The following SLC5A12 variants were observed in gnomAD, a reference collection of about 807,000 sequenced individuals.
SLC5A12 encodes sodium-coupled monocarboxylate transporter 2.
A neutral mutation model predicts 72.7 loss-of-function variants in SLC5A12; 46 were observed. The observed-to-expected ratio is 0.63, with a 90% CI of 0.50 to 0.81. SLC5A12 has a LOEUF of 0.81. SLC5A12 is among the 30% of genes least tolerant of loss of function. SLC5A12 has a pLI of 0.00. For missense variants in SLC5A12, 683 were observed against 740.7 expected, an observed-to-expected ratio of 0.92 and a Z score of 0.90; for synonymous variants, 275 against 264.4, an observed-to-expected ratio of 1.04 and a Z score of -0.39.
rs1464240574 is a variant in SLC5A12 at position 26,704,034 on chromosome 11, C to T, written c.526-87G>A. On this transcript the variant is annotated intron_variant, in intron 4 of 14. Transcript: ENST00000396005. The stretch of plus-strand genomic sequence containing the variant: ...AAGCCTCTCTGCTAATGCATGCATG[C>T]ATTCTTTTGTTTATTCAGCATCAGC... 27 of 1,404,404 alleles carry T rather than the reference C, an allele frequency of 1.9e-5. No individual in the cohort carries two copies. The East Asian group carries it at 6.2e-4, about 32-fold the overall frequency. 87.0% of individuals were successfully genotyped at this position (1,404,404 alleles called of 1,614,324 possible).
chr11:26,679,808 A>C (rs1376058088), intron 12 of SLC5A12, among the ~76,000 whole-genome samples: 2 of 152,170 alleles, frequency 1.3e-5, no homozygotes, highest in Non-Finnish European at 2.9e-5. Flanking sequence ...GTTTTATTCC[A>C]TAAGCACATG....
Position 26,668,110 on chromosome 11 carries a change from T to C in SLC5A12, c.*2992A>G, listed in dbSNP as rs915920590. The C allele has an allele frequency of 3.3e-5, 5 of 152,034 alleles. No individual in the cohort carries two copies. Among genetic ancestry groups the C allele is most frequent in the African/African-American group, 1.2e-4 (5 of 41,430 alleles). 9.4% of individuals were successfully genotyped at this position (152,034 alleles called of 1,614,324 possible). A position where few individuals can be genotyped will look rare whatever the true frequency, so the allele number is the denominator to read the frequency against. On this transcript the variant is annotated 3_prime_UTR_variant, in exon 15 of 15. Transcript: ENST00000396005. ...AAGATTTTAAAATATTGCCCAAAAT[T>C]ACCTAGATTTGTGTCAGAACTCGTG...
upstream of SLC5A12, among the ~76,000 whole-genome samples, chr11:26,722,911 G>A (rs543235160): frequency 3.0e-4 from 45 of 150,250 alleles, no homozygotes; most frequent in African/African-American, 1.1e-3. Flanking sequence ...AAGCTTTTCT[G>A]CCTCTCCACG....
chr11:26,681,804 G>T (rs907593258), intron 11 of SLC5A12, among the ~76,000 whole-genome samples: 1 of 152,078 alleles, frequency 6.6e-6, no homozygotes, highest in Non-Finnish European at 1.5e-5. Context: ...GAACAATCTA[G>T]CAGAGATTAG....
intron 13 of SLC5A12, 57 bp from the exon 14 acceptor site, chr11:26,673,586 C>T (rs1854196238): frequency 5.5e-6 from 8 of 1,452,398 alleles, no homozygotes; most frequent in African/African-American, 1.5e-5. Context: ...TCTTCCTTTA[C>T]AGATTTAAAC....
intron 10 of SLC5A12, among the ~76,000 whole-genome samples, chr11:26,684,967 C>T (rs1854495257): frequency 6.6e-6 from 1 of 152,162 alleles, no homozygotes; most frequent in Non-Finnish European, 1.5e-5. Flanking sequence ...GCCACTTCTG[C>T]TGTGTAGATG....
rs71449136 is a variant in SLC5A12 at position 26,671,047 on chromosome 11, T to TTGTG, written c.*51_*54dup. On this transcript the variant is annotated 3_prime_UTR_variant, in exon 15 of 15. Transcript: ENST00000396005. ...CAAGTAGGCAAGAAGTATGTGGAGT[T>TTGTG]TGTGTGTGTGTGTGTGTATTGCACG... 232 of 1,354,332 alleles carry TTGTG rather than the reference T, an allele frequency of 1.7e-4. 1 individual carries two copies. The highest frequency in any genetic ancestry group is 7.3e-4 in the African/African-American group (50 of 68,110). The allele number at this position is 1,354,332 out of a possible 1,614,324, so 83.9% of individuals were successfully genotyped here.
At chr11:26,676,866 G>A (rs1431317615) in intron 13 of SLC5A12, among the ~76,000 whole-genome samples, 2 of 151,876 alleles carry the variant, frequency 1.3e-5, no homozygotes, top group Admixed American at 6.6e-5. Context: ...GCATATCTTC[G>A]AGGTGCCGTA....
rs1399850350 is a variant in SLC5A12, at chr11:26,669,572, T to C, written c.*1530A>G. On this transcript the variant is annotated 3_prime_UTR_variant, in exon 15 of 15. Transcript: ENST00000396005. ...TTCTTTCTCTTTCTCCATTCTCCTTTTCTATTTGAGTGGAGGGAGAGAAGG... is the reference window on the plus strand; with the variant it reads ...TTCTTTCTCTTTCTCCATTCTCCTTCTCTATTTGAGTGGAGGGAGAGAAGG... 1.3e-5 allele frequency: 2 copies of C among 151,972 alleles called. No homozygotes were observed. The highest frequency in any genetic ancestry group is 3.9e-4 in the East Asian group (2 of 5,166). 9.4% of individuals were successfully genotyped at this position (151,972 alleles called of 1,614,324 possible). A position where few individuals can be genotyped will look rare whatever the true frequency, so the allele number is the denominator to read the frequency against.
chr11:26,671,258 G>A lies in SLC5A12; in HGVS notation c.1708-7C>T, dbSNP rs772467804. On this transcript the variant is annotated splice_region_variant and splice_polypyrimidine_tract_variant and intron_variant, in intron 14 of 14. Transcript: ENST00000396005. Reference sequence around the variant, plus strand: ...TGCCATTCTCAAGGTTTTCCTGAGGGAAATACAAAGACACATATTAGCAAG... The same window carrying A: ...TGCCATTCTCAAGGTTTTCCTGAGGAAAATACAAAGACACATATTAGCAAG... 2 of 1,587,028 alleles carry A rather than the reference G, an allele frequency of 1.3e-6. No homozygotes were observed. Among genetic ancestry groups the A allele is most frequent in the South Asian group, 1.1e-5 (1 of 86,982 alleles).
In SLC5A12 at chr11:26,721,395, C is replaced by T. The variant is rs2133232190; in HGVS notation, c.320G>A (p.Gly107Asp). 1 of 1,612,468 alleles carries T rather than the reference C, an allele frequency of 6.2e-7. No individual in the cohort carries two copies. The highest frequency in any genetic ancestry group is 1.3e-5 in the African/African-American group (1 of 74,918). The change falls in exon 1 of 15, where the codon GGT becomes GAT. Residue 107 changes from glycine (G) to aspartate (D), a missense_variant. Coordinates refer to ENST00000396005, the MANE Select transcript of SLC5A12 (RefSeq NM_178498.4). ...ELFLPVFYRS[G>D]ITSTYEYLQL... ...TCTTACCTCATAAGTGCTGGTGATA[C>T]CAGATCTGTAGAACACAGGGAGAAA...
intron 4 of SLC5A12, 151 bp from the exon 5 acceptor site, chr11:26,704,098 A>G (rs573344265): frequency 1.1e-4 from 89 of 780,840 alleles, no homozygotes; most frequent in Non-Finnish European, 1.8e-4. Flanking sequence ...CATGTTAAGC[A>G]TGAGAACAAA....
rs1470588476 is a variant in SLC5A12, at chr11:26,703,626, T to A, written c.726A>T (p.Thr242=). 4.3e-6 allele frequency: 7 copies of A among 1,613,848 alleles called. No homozygotes were observed. The highest frequency in any genetic ancestry group is 5.9e-6 in the Non-Finnish European group (7 of 1,179,934). ...CGAGCCAAGTAAAAGTTCCTCCCAC[T>A]GTGATAGTCCAAAAAGTGTGTCGCC... ...PLRRHTFWTI[T]VGGTFTWLGI... The change falls in exon 6 of 15, where the codon ACA becomes ACT. Residue 242 remains threonine (T), a synonymous_variant. Transcript: ENST00000396005.
rs183543745 is a variant in SLC5A12, at chr11:26,721,659, A to G, written c.56T>C (p.Phe19Ser). The G allele has an allele frequency of 2.5e-6, 4 of 1,614,202 alleles. No individual in the cohort carries two copies. Among genetic ancestry groups the G allele is most frequent in the African/African-American group, 2.7e-5 (2 of 75,056 alleles). Residue 19 changes from phenylalanine (F) to serine (S), a missense_variant, in exon 1 of 15, where the codon TTC becomes TCC. Phe to Ser is a radical substitution (Grantham distance 155). Coordinates refer to ENST00000396005, the MANE Select transcript of SLC5A12 (RefSeq NM_178498.4). ...GAACACCCCAATTCCAGAGGAAATG[A>G]AAAAGAGGGCTGCAAATACAACATA... ...WDYVVFAALFFISSGIGVFFA... is the reference protein window; with the variant it reads ...WDYVVFAALFSISSGIGVFFA...
intron 2 of SLC5A12, 102 bp downstream of exon 2, chr11:26,712,539 A>G: frequency 1.5e-6 from 1 of 655,034 alleles, no homozygotes. Context: ...GCGTCTTCTT[A>G]GTATTAAGTG....
Position 26,674,377 on chromosome 11 carries a change from C to CAAAAAA in SLC5A12, c.1580-854_1580-849dup, listed in dbSNP as rs142621833. Among the ~76,000 whole-genome samples, 234 of 145,860 alleles carry CAAAAAA rather than the reference C, an allele frequency of 1.6e-3. 3 individuals are homozygous for CAAAAAA. The highest frequency in any genetic ancestry group is 3.9e-3 in the South Asian group (18 of 4,576). On this transcript the variant is annotated intron_variant, in intron 13 of 14. Transcript: ENST00000396005. The stretch of plus-strand genomic sequence containing the variant: ...TTTTTCTCAAACTGCTTTCTAGAGA[C>CAAAAAA]AAAAAAAATAAAAAAATGTAGATTT...
intron 1 of SLC5A12, among the ~76,000 whole-genome samples, chr11:26,720,372 A>G (rs921726437): frequency 7.3e-5 from 11 of 149,974 alleles, no homozygotes; most frequent in African/African-American, 1.3e-4. Context: ...TACATGGAAA[A>G]AAAGAAGAGT....
chr11:26,719,307 C>T (rs184883155), intron 1 of SLC5A12, among the ~76,000 whole-genome samples: 14 of 152,250 alleles, frequency 9.2e-5, no homozygotes, highest in Admixed American at 3.3e-4. Context: ...TTGAGCATTA[C>T]GGCATTAAAA....
Position 26,673,484 on chromosome 11 carries a change from A to C in SLC5A12, c.1625T>G (p.Val542Gly). The C allele has an allele frequency of 6.2e-7, 1 of 1,611,714 alleles. No individual in the cohort carries two copies. Among genetic ancestry groups the C allele is most frequent in the African/African-American group, 1.3e-5 (1 of 74,882 alleles). Reference protein sequence around the residue: ...EDIQPLLIRPVCNLFCFWSKK... With the variant: ...EDIQPLLIRPGCNLFCFWSKK... The stretch of plus-strand genomic sequence containing the variant: ...AGACCAAAAGCAAAATAAATTACAA[A>C]CTGGTCTAATTAACAGTGGTTGAAT... The change falls in exon 14 of 15, where the codon GTT becomes GGT. Residue 542 changes from valine (V) to glycine (G), a missense_variant. Coordinates refer to ENST00000396005, the MANE Select transcript of SLC5A12 (RefSeq NM_178498.4).
Sources: allele counts gnomAD v4.1 joint callset (sites outside exome capture counted in the v4.1 genomes callset), GRCh38; gene constraint gnomAD v4.1.1; transcripts MANE v1.5; gene names NCBI Gene and HGNC (gene_info 2026-07-23, HGNC 2026-07-21).